The following ZNF410 variants were observed in gnomAD, a reference collection of about 807,000 sequenced individuals.
ZNF410 encodes the protein zinc finger protein 410, also known as another partner for ARF 1.
ZNF410 carries 18 observed loss-of-function variants against 54.8 expected under a neutral mutation model. The ratio of observed to expected loss-of-function variants is 0.33; its 90% confidence interval spans 0.23 to 0.49. The LOEUF (loss-of-function observed/expected upper bound fraction) is 0.49. ZNF410 is among the 20% of genes least tolerant of loss of function. The probability of loss-of-function intolerance (pLI) is 0.99; values close to 1 mark genes in which losing one functional copy is unlikely to be tolerated. For synonymous variants in ZNF410, 191 were observed against 207.3 expected, an observed-to-expected ratio of 0.92 and a Z score of 0.68; for missense variants, 405 against 569.6, an observed-to-expected ratio of 0.71 and a Z score of 2.94.
chr14:73,896,570 T>C (rs759229991), intron 4 of ZNF410, 36 bp downstream of exon 4: 1 of 1,553,252 alleles, frequency 6.4e-7, no homozygotes, highest in South Asian at 1.2e-5. Context: ...TGCTTATGCC[T>C]AAGAAAAAAA....
At chr14:73,929,479 T>G (rs1364577384) in intron 11 of ZNF410, among the ~76,000 whole-genome samples, 2 of 152,204 alleles carry the variant, frequency 1.3e-5, no homozygotes, top group Admixed American at 1.3e-4. Context: ...CTGATGAACT[T>G]GTACTTCCTG....
intron 5 of ZNF410, chr14:73,903,698 C>A (rs1315746711): frequency 4.6e-6 from 2 of 436,360 alleles, no homozygotes; most frequent in Non-Finnish European, 8.3e-6. Flanking sequence ...TATGGTTTCA[C>A]CATGTTGCCC....
At chr14:73,926,308 A>G (rs2055829732) in intron 11 of ZNF410, among the ~76,000 whole-genome samples, 1 of 152,140 alleles carries the variant, frequency 6.6e-6, no homozygotes, top group Admixed American at 6.6e-5. Context: ...TTGGTTTGCT[A>G]GAGTCAGGAT....
At chr14:73,904,315 G>A (rs566380182) in intron 6 of ZNF410, among the ~76,000 whole-genome samples, 13 of 152,018 alleles carry the variant, frequency 8.6e-5, no homozygotes, top group Non-Finnish European at 1.9e-4. Flanking sequence ...AGACATTTGG[G>A]ACCTAAAGGC....
Position 73,893,782 on chromosome 14 carries a change from C to T in ZNF410, c.34-15C>T, listed in dbSNP as rs756917688. The T allele has an allele frequency of 1.9e-6, 3 of 1,590,610 alleles. No individual in the cohort carries two copies. In the South Asian group the frequency reaches 3.5e-5, roughly 18 times the overall value. On this transcript the variant is annotated splice_polypyrimidine_tract_variant and intron_variant, in intron 2 of 11. Coordinates refer to ENST00000555044, the MANE Select transcript of ZNF410 (RefSeq NM_021188.3). ...AACAACTCGTATTTCTCAGTGTTGTCTTTTCTCCCCCCAGCTCCTGGTACA... is the reference window on the plus strand; with the variant it reads ...AACAACTCGTATTTCTCAGTGTTGTTTTTTCTCCCCCCAGCTCCTGGTACA...
chr14:73,915,227 A>C (rs1449296841), intron 8 of ZNF410, among the ~76,000 whole-genome samples: 1 of 145,174 alleles, frequency 6.9e-6, no homozygotes, highest in Non-Finnish European at 1.5e-5. Context: ...GCGCCACTGC[A>C]CTCTAGCCTG....
At position 73,901,631 on chromosome 14, in the gene ZNF410, G is replaced by A. The variant is rs150958041; in HGVS notation, c.581-2329G>A. ...CCTACTATCACTGATTTGAATCACT[G>A]TATTAGCATGATTTTTTTGGCCGGT... On this transcript the variant is annotated intron_variant, in intron 5 of 11. Transcript: ENST00000555044. Among the ~76,000 whole-genome samples, 13 of 151,562 alleles carry A rather than the reference G, an allele frequency of 8.6e-5. No homozygotes were observed. The East Asian group carries it at 2.3e-3, about 27-fold the overall frequency.
Position 73,918,714 on chromosome 14 carries a change from T to TC in ZNF410, c.1004-2262dup, listed in dbSNP as rs1195808387. Among the ~76,000 whole-genome samples, 137 of 113,290 alleles carry TC rather than the reference T, an allele frequency of 1.2e-3. 13 individuals are homozygous for TC. Among genetic ancestry groups the TC allele is most frequent in the African/African-American group, 3.9e-3 (115 of 29,530 alleles). 74.3% of individuals were successfully genotyped at this position (113,290 alleles called of 152,430 possible). A position where few individuals can be genotyped will look rare whatever the true frequency, so the allele number is the denominator to read the frequency against. On this transcript the variant is annotated intron_variant, in intron 8 of 11. Transcript: ENST00000555044. ...TTTTTTTTTTTTTTTTTTTTTTTTT[T>TC]CCCCTAAACGGAGTCTTGCTGTCTC...
chr14:73,908,352 A>G (rs2055524309), intron 7 of ZNF410, among the ~76,000 whole-genome samples: 1 of 152,096 alleles, frequency 6.6e-6, no homozygotes, highest in South Asian at 2.1e-4. Context: ...CTTTTGAAAC[A>G]TTTGATCTTG....
chr14:73,919,188 G>A (rs139789224), intron 8 of ZNF410, among the ~76,000 whole-genome samples: 250 of 150,938 alleles, frequency 1.7e-3, no homozygotes, highest in African/African-American at 5.7e-3. Flanking sequence ...GTAGAGATGC[G>A]GTTTCACTAT....
In ZNF410 at chr14:73,921,044, G is replaced by C; in HGVS notation, c.1068G>C (p.Val356=). 6.2e-7 allele frequency: 1 copy of C among 1,614,010 alleles called. No individual in the cohort carries two copies. The highest frequency in any genetic ancestry group is 8.5e-7 in the Non-Finnish European group (1 of 1,179,964). ...KTFSQSGSRN[V]HMRKHHLQLG... Reference sequence around the variant, plus strand: ...TCTCTCAGAGTGGAAGCAGGAATGTGCATATGAGAAAGCATCACCTGCAGC... The same window carrying C: ...TCTCTCAGAGTGGAAGCAGGAATGTCCATATGAGAAAGCATCACCTGCAGC... Residue 356 remains valine, a synonymous_variant, in exon 9 of 12, where the codon GTG becomes GTC. Transcript: ENST00000555044.
intron 8 of ZNF410, among the ~76,000 whole-genome samples, chr14:73,910,881 TG>T (rs2055567096): frequency 1.0e-5 from 1 of 98,362 alleles, no homozygotes; most frequent in African/African-American, 4.3e-5. Context: ...AAAAAAAAAG[TG>T]GTAGTGAAGA....
chr14:73,914,535 G>A (rs763822719), intron 8 of ZNF410: 2 of 151,344 alleles, frequency 1.3e-5, no homozygotes, highest in Admixed American at 1.3e-4. Context: ...GCCCAGGCTG[G>A]TTTCACACTC....
At chr14:73,890,765 C>T (rs1257833718) in intron 1 of ZNF410, among the ~76,000 whole-genome samples, 2 of 152,042 alleles carry the variant, frequency 1.3e-5, no homozygotes. Context: ...GTAATCTCAG[C>T]ACTTTGGGAG....
chr14:73,920,913 T>C lies in ZNF410; in HGVS notation c.1004-67T>C. On this transcript the variant is annotated intron_variant, in intron 8 of 11. Transcript: ENST00000555044. ...GTTTAACATTCTCTGGGTTTCTCCATCTAGGTCTTGAGTTCATTCTCTTCC... is the reference window on the plus strand; with the variant it reads ...GTTTAACATTCTCTGGGTTTCTCCACCTAGGTCTTGAGTTCATTCTCTTCC... 11 of 1,596,770 alleles carry C rather than the reference T, an allele frequency of 6.9e-6. No individual in the cohort carries two copies. The Admixed American group carries it at 6.9e-5, about 10-fold the overall frequency.
intron 8 of ZNF410, among the ~76,000 whole-genome samples, chr14:73,918,729 C>T (rs1187856286): frequency 1.8e-5 from 2 of 111,180 alleles, no homozygotes; most frequent in African/African-American, 7.1e-5. Context: ...TAAACGGAGT[C>T]TTGCTGTCTC....
Position 73,898,159 on chromosome 14 carries a change from C to T in ZNF410, c.477C>T (p.Asp159=), listed in dbSNP as rs1194538563. The part of the protein sequence containing the change: ...GNDFLSSEST[D]SSIPWFLRVQ... The stretch of plus-strand genomic sequence containing the variant: ...ATTTCCTCTCCAGTGAGAGCACAGA[C>T]AGTAGCATTCCATGGTTCCTCCGGG... The change falls in exon 5 of 12, where the codon GAC becomes GAT. Residue 159 remains aspartate, a synonymous_variant. Coordinates refer to ENST00000555044, the MANE Select transcript of ZNF410 (RefSeq NM_021188.3). The T allele has an allele frequency of 6.2e-7, 1 of 1,614,006 alleles. No homozygotes were observed. Among genetic ancestry groups the T allele is most frequent in the African/African-American group, 1.3e-5 (1 of 74,886 alleles).
intron 10 of ZNF410, 123 bp downstream of exon 10, chr14:73,922,329 A>G (rs1043844859): frequency 2.8e-6 from 3 of 1,068,120 alleles, no homozygotes; most frequent in Non-Finnish European, 3.8e-6. Flanking sequence ...TATGAGTAGC[A>G]TTTGTGTTCT....
intron 5 of ZNF410, chr14:73,903,695 T>A: frequency 2.3e-6 from 1 of 431,996 alleles, no homozygotes; most frequent in Non-Finnish European, 4.2e-6. Context: ...AGATATGGTT[T>A]CACCATGTTG....
Sources: allele counts gnomAD v4.1 joint callset (sites outside exome capture counted in the v4.1 genomes callset), GRCh38; gene constraint gnomAD v4.1.1; transcripts MANE v1.5; gene names NCBI Gene and HGNC (gene_info 2026-07-23, HGNC 2026-07-21).